Variants in RSPH1 observed in about 807,000 individuals in gnomAD.
The protein encoded by RSPH1 is radial spoke head component 1.
RSPH1 carries 32 observed loss-of-function variants against 44.2 expected under a neutral mutation model. That is an observed-to-expected ratio of 0.72 (90% confidence interval 0.55 to 0.97). The LOEUF is 0.97. Among genes scored for constraint, RSPH1 ranks in the 50% least tolerant of loss-of-function variants. The pLI, the probability that RSPH1 is intolerant of heterozygous loss-of-function variation, is 0.00. For synonymous variants in RSPH1, 134 were observed against 147.3 expected (o/e 0.91, Z 0.65); for missense variants, 391 against 398.7 (o/e 0.98, Z 0.16).
At chr21:42,485,960 T>TG in intron 4 of RSPH1, 156 bp from the exon 5 acceptor site, 1 of 895,012 alleles carries the variant, frequency 1.1e-6, no homozygotes, top group South Asian at 1.6e-5. Flanking sequence ...AGGTGCCCCT[T>TG]GCTCAGTGTG....
chr21:42,475,821 T>G (rs2054040847), intron 8 of RSPH1, 77 bp downstream of exon 8: 1 of 1,529,226 alleles, frequency 6.5e-7, no homozygotes, highest in Non-Finnish European at 8.9e-7. Flanking sequence ...CAGGCCTTGG[T>G]GAAGGGAAGG....
At chr21:42,484,543 T>G (rs1038810158) in intron 5 of RSPH1, 1 of 152,160 alleles carries the variant, frequency 6.6e-6, no homozygotes, top group Non-Finnish European at 1.5e-5. Flanking sequence ...ACAGAAATAG[T>G]GTGGAAGGAT....
intron 5 of RSPH1, chr21:42,485,402 A>G: frequency 2.0e-6 from 1 of 497,094 alleles, no homozygotes; most frequent in African/African-American, 1.9e-5. Flanking sequence ...CTCGTGTTAT[A>G]TAACAATGCA....
intron 8 of RSPH1, 97 bp downstream of exon 8, chr21:42,475,801 C>G: frequency 1.4e-6 from 2 of 1,406,604 alleles, no homozygotes; most frequent in Non-Finnish European, 1.9e-6. Context: ...CCCTGGGGCC[C>G]AGCTGAAGGC....
intron 5 of RSPH1, chr21:42,484,983 T>G (rs1180008245): frequency 1.3e-5 from 2 of 152,242 alleles, no homozygotes; most frequent in Non-Finnish European, 2.9e-5. Flanking sequence ...ACCATCAATT[T>G]GCTCCGCAAA....
At chr21:42,487,268 G>T (rs1408177230) in intron 3 of RSPH1, among the ~76,000 whole-genome samples, 1 of 152,120 alleles carries the variant, frequency 6.6e-6, no homozygotes, top group African/African-American at 2.4e-5. Context: ...AACTCAAAAC[G>T]TCCTCAAATC....
At chr21:42,488,419 T>C (rs1300377790) in intron 3 of RSPH1, among the ~76,000 whole-genome samples, 2 of 152,210 alleles carry the variant, frequency 1.3e-5, no homozygotes, top group Admixed American at 6.5e-5. Flanking sequence ...TGAGCTACTA[T>C]GAGGGGGTTC....
intron 3 of RSPH1, among the ~76,000 whole-genome samples, chr21:42,490,706 C>T (rs1288799525): frequency 6.6e-6 from 1 of 152,174 alleles, no homozygotes; most frequent in Non-Finnish European, 1.5e-5. Context: ...CTTGACATTT[C>T]CTGACTGATA....
intron 7 of RSPH1, 117 bp from the exon 8 acceptor site, chr21:42,476,164 G>A (rs2054047357): frequency 7.1e-6 from 7 of 982,516 alleles, no homozygotes; most frequent in Non-Finnish European, 9.0e-6. Context: ...CCCACTGGCA[G>A]CACCTCATGT....
intron 3 of RSPH1, among the ~76,000 whole-genome samples, chr21:42,488,223 C>A (rs1396994601): frequency 6.6e-6 from 1 of 152,194 alleles, no homozygotes; most frequent in African/African-American, 2.4e-5. Context: ...AAAAATACTT[C>A]AGGTCCCTGA....
intron 3 of RSPH1, among the ~76,000 whole-genome samples, chr21:42,491,775 C>A (rs1008656191): frequency 1.3e-4 from 20 of 152,158 alleles, no homozygotes; most frequent in African/African-American, 4.6e-4. Flanking sequence ...GCAAAGCAAG[C>A]AACTATAGCT....
At chr21:42,485,543 C>T in intron 5 of RSPH1, 126 bp downstream of exon 5, 1 of 1,079,018 alleles carries the variant, frequency 9.3e-7, no homozygotes, top group Non-Finnish European at 1.4e-6. Context: ...TCCTGTTCTC[C>T]ACATTTGAAT....
At chr21:42,486,898 G>A (rs530985257) in intron 3 of RSPH1, among the ~76,000 whole-genome samples, 1 of 152,346 alleles carries the variant, frequency 6.6e-6, no homozygotes, top group Admixed American at 6.5e-5. Context: ...CCCATTGCCA[G>A]TGATCCTAAC....
At chr21:42,479,993 G>A (rs2054109728) in intron 6 of RSPH1, among the ~76,000 whole-genome samples, 1 of 152,174 alleles carries the variant, frequency 6.6e-6, no homozygotes, top group African/African-American at 2.4e-5. Flanking sequence ...GTTCCTTTTA[G>A]CTGGAGCAAA....
At chr21:42,491,125 T>C (rs1356559488) in intron 3 of RSPH1, among the ~76,000 whole-genome samples, 1 of 152,216 alleles carries the variant, frequency 6.6e-6, no homozygotes, top group Admixed American at 6.5e-5. Context: ...TGAGCCGCTA[T>C]GGCACATTAT....
intron 3 of RSPH1, among the ~76,000 whole-genome samples, chr21:42,491,902 T>A (rs1447273092): frequency 6.6e-6 from 1 of 152,176 alleles, no homozygotes; most frequent in Non-Finnish European, 1.5e-5. Flanking sequence ...GTTGCAGGTG[T>A]CTCCCTGTGT....
At chr21:42,481,567 A>C (rs2054128276) in intron 6 of RSPH1, among the ~76,000 whole-genome samples, 1 of 152,222 alleles carries the variant, frequency 6.6e-6, no homozygotes, top group African/African-American at 2.4e-5. Flanking sequence ...ACTCACTAGG[A>C]GGGGACACCT....
intron 3 of RSPH1, among the ~76,000 whole-genome samples, chr21:42,486,762 G>A (rs1295793756): frequency 1.3e-5 from 2 of 152,148 alleles, no homozygotes; most frequent in Non-Finnish European, 2.9e-5. Context: ...GGAGTTCACG[G>A]GGTACAGAGT....
intron 6 of RSPH1, among the ~76,000 whole-genome samples, chr21:42,481,962 C>T (rs950910529): frequency 1.3e-5 from 2 of 152,180 alleles, no homozygotes; most frequent in South Asian, 2.1e-4. Flanking sequence ...TGCTGCACAA[C>T]GGACAAGCTA....
Sources: allele counts gnomAD v4.1 joint callset (sites outside exome capture counted in the v4.1 genomes callset), GRCh38; gene constraint gnomAD v4.1.1; transcripts MANE v1.5; gene names NCBI Gene and HGNC (gene_info 2026-07-23, HGNC 2026-07-21).